IL16: variants seen among roughly 807,000 people sequenced by gnomAD.
IL16 encodes the protein interleukin 16, also known as pro-interleukin-16.
Under a neutral mutation model 110.1 loss-of-function variants are expected in IL16, and 67 were observed. The observed-to-expected ratio is 0.61, with a 90% CI of 0.50 to 0.75. The LOEUF (loss-of-function observed/expected upper bound fraction) is 0.75, where lower values mean the gene tolerates loss of function less well. IL16 is among the 30% of genes least tolerant of loss of function. The pLI, the probability that IL16 is intolerant of heterozygous loss-of-function variation, is 0.00. For missense variants in IL16, 1,545 were observed against 1,655.0 expected (o/e 0.93, Z 1.15); for synonymous variants, 689 against 662.9 (o/e 1.04, Z -0.61).
Position 81,197,062 on chromosome 15 carries a change from G to A in IL16, c.-192G>A. On this transcript the variant is annotated 5_prime_UTR_variant, in exon 1 of 19. Transcript: ENST00000683961. The stretch of plus-strand genomic sequence containing the variant: ...GGCCACAGGCTGTCCGGGAATAAGT[G>A]GTGCTGCAATCCCTGCTGGGCAGAT... The A allele has an allele frequency of 7.8e-7, 1 of 1,288,776 alleles. No individual in the cohort carries two copies. Among genetic ancestry groups the A allele is most frequent in the Non-Finnish European group, 1.0e-6 (1 of 988,516 alleles). The allele number at this position is 1,288,776 out of a possible 1,614,324, so 79.8% of individuals were successfully genotyped here. A position where few individuals can be genotyped will look rare whatever the true frequency, so the allele number is the denominator to read the frequency against.
intron 1 of IL16, among the ~76,000 whole-genome samples, chr15:81,183,654 C>A (rs1390889164): frequency 6.6e-6 from 1 of 152,208 alleles, no homozygotes; most frequent in East Asian, 1.9e-4. Flanking sequence ...ACTTTTCTAG[C>A]TACAGAAAGA....
At chr15:81,245,724 C>CTTTTTGTT (rs1897518326) in intron 2 of IL16, among the ~76,000 whole-genome samples, 1 of 61,282 alleles carries the variant, frequency 1.6e-5, no homozygotes, top group Non-Finnish European at 3.0e-5. Context: ...TTTGTTTTGG[C>CTTTTTGTT]TTTTTTTTTT....
chr15:81,190,208 T>C (rs1895478591), intron 1 of IL16, among the ~76,000 whole-genome samples: 1 of 152,164 alleles, frequency 6.6e-6, no homozygotes, highest in Non-Finnish European at 1.5e-5. Context: ...CTCCCCCGGG[T>C]GTGTCACTCA....
intron 1 of IL16, among the ~76,000 whole-genome samples, chr15:81,208,250 G>A (rs1595948166): frequency 6.6e-6 from 1 of 152,152 alleles, no homozygotes; most frequent in East Asian, 1.9e-4. Flanking sequence ...ATTTGTTTAA[G>A]TTCCTTATAG....
chr15:81,220,683 G>A (rs1199058651), intron 1 of IL16, among the ~76,000 whole-genome samples: 1 of 151,824 alleles, frequency 6.6e-6, no homozygotes, highest in East Asian at 1.9e-4. Context: ...GATCTCCAGT[G>A]AGTTAAATGT....
intron 2 of IL16, among the ~76,000 whole-genome samples, chr15:81,254,200 G>A (rs561772001): frequency 2.0e-5 from 3 of 152,348 alleles, no homozygotes; most frequent in Non-Finnish European, 4.4e-5. Flanking sequence ...AACTCCAGAA[G>A]CATCAGGCTT....
At chr15:81,233,991 G>GT (rs1401599738) in intron 2 of IL16, among the ~76,000 whole-genome samples, 1 of 151,862 alleles carries the variant, frequency 6.6e-6, no homozygotes, top group African/African-American at 2.4e-5. Context: ...AACTTTTTAT[G>GT]TTTTCTTGGT....
chr15:81,300,553 A>G, intron 14 of IL16, 78 bp downstream of exon 14: 1 of 888,456 alleles, frequency 1.1e-6, no homozygotes, highest in Non-Finnish European at 1.7e-6. Context: ...AAATAATCCT[A>G]TATATAATTT....
intron 1 of IL16, among the ~76,000 whole-genome samples, chr15:81,204,832 GA>G (rs1026357797): frequency 2.9e-4 from 44 of 152,186 alleles, no homozygotes; most frequent in African/African-American, 9.6e-4. Flanking sequence ...GAGCGCATGG[GA>G]CATTCAGGGG....
At chr15:81,207,246 C>CAAAAAA (rs60442931) in intron 1 of IL16, among the ~76,000 whole-genome samples, 1 of 102,760 alleles carries the variant, frequency 9.7e-6, no homozygotes, top group African/African-American at 2.9e-5. Context: ...TCAAAAAAAA[C>CAAAAAA]AAAAAAAAAA....
intron 2 of IL16, among the ~76,000 whole-genome samples, chr15:81,234,239 C>T (rs1897109659): frequency 1.3e-5 from 2 of 151,982 alleles, no homozygotes; most frequent in Admixed American, 6.6e-5. Context: ...TAGGTGTTTA[C>T]ACTATTTACA....
At position 81,296,938 on chromosome 15, in the gene IL16, AGCTGCTGCCACT is replaced by A. The variant is rs1900014791; in HGVS notation, c.1920_1931del (p.Leu642_Pro645del). 6.2e-7 allele frequency: 1 copy of A among 1,611,052 alleles called. No homozygotes were observed. Among genetic ancestry groups the A allele is most frequent in the African/African-American group, 1.3e-5 (1 of 74,838 alleles). On this transcript the variant is annotated inframe_deletion, in exon 13 of 19. Transcript: ENST00000683961. Reference sequence around the variant, plus strand: ...CTGTTTACACCACAGGAAGCGAGAGAGCTGCTGCCACTGCTGCTACCACAGGAAGACACAGCA... The same window carrying A: ...CTGTTTACACCACAGGAAGCGAGAGAGCTGCTACCACAGGAAGACACAGCA...
chr15:81,295,267 C>A, intron 12 of IL16: 1 of 592,854 alleles, frequency 1.7e-6, no homozygotes. Context: ...CTCCCTCATC[C>A]ACCAAGCATG....
rs371321654 is a variant in IL16 at position 81,299,371 on chromosome 15, G to C, written c.2054-9G>C. 70 of 1,610,632 alleles carry C rather than the reference G, an allele frequency of 4.3e-5. No individual in the cohort carries two copies. In the African/African-American group the frequency reaches 8.0e-4, roughly 18 times the overall value. On this transcript the variant is annotated splice_polypyrimidine_tract_variant and intron_variant, in intron 13 of 18. Transcript: ENST00000683961. ...AATGCACAGCTTTGGCCTTGTTTCT[G>C]CACTGTAGTGACCCAAACATCCCCG...
intron 1 of IL16, among the ~76,000 whole-genome samples, chr15:81,207,246 CAAAA>C (rs60442931): frequency 3.0e-4 from 31 of 102,788 alleles, no homozygotes; most frequent in African/African-American, 7.3e-4. Flanking sequence ...TCAAAAAAAA[CAAAA>C]AAAAAAAAAA....
chr15:81,204,478 T>G (rs1465740729), intron 1 of IL16, among the ~76,000 whole-genome samples: 4 of 152,114 alleles, frequency 2.6e-5, no homozygotes, highest in Non-Finnish European at 5.9e-5. Flanking sequence ...ATAGCTCTTA[T>G]TATTTTGAAA....
At position 81,304,311 on chromosome 15, in the gene IL16, A is replaced by C. The variant is rs145514320; in HGVS notation, c.3420+661A>C. Reference sequence around the variant, plus strand: ...ATTACAAAAAGATTCCTGACCGTGTAGTTTACTTTCTACTTGAAGAGGAGG... The same window carrying C: ...ATTACAAAAAGATTCCTGACCGTGTCGTTTACTTTCTACTTGAAGAGGAGG... On this transcript the variant is annotated intron_variant, in intron 16 of 18. Coordinates refer to ENST00000683961, the MANE Select transcript of IL16 (RefSeq NM_172217.5). Among the ~76,000 whole-genome samples the C allele has an allele frequency of 3.5e-3, 538 of 152,290 alleles. 1 individual carries two copies. Among genetic ancestry groups the C allele is most frequent in the Non-Finnish European group, 5.1e-3 (345 of 68,030 alleles).
chr15:81,296,954 G>A lies in IL16; in HGVS notation c.1929G>A (p.Leu643=), dbSNP rs1170888164. 2 of 1,612,716 alleles carry A rather than the reference G, an allele frequency of 1.2e-6. No individual in the cohort carries two copies. The highest frequency in any genetic ancestry group is 1.7e-6 in the Non-Finnish European group (2 of 1,179,382). ...GQEARELLPL[L]LPQEDTAGRS... ...AAGCGAGAGAGCTGCTGCCACTGCT[G>A]CTACCACAGGAAGACACAGCAGGGA... Residue 643 remains leucine (L), a synonymous_variant, in exon 13 of 19, where the codon CTG becomes CTA. Transcript: ENST00000683961.
chr15:81,229,875 C>CAACA lies in IL16; in HGVS notation c.312+4165_312+4168dup, dbSNP rs1595971315. 2.0e-5 allele frequency among the ~76,000 whole-genome samples: 3 copies of CAACA among 152,166 alleles called. No homozygotes were observed. The East Asian group carries it at 5.8e-4, about 29-fold the overall frequency. On this transcript the variant is annotated intron_variant, in intron 2 of 18. Transcript: ENST00000683961. ...TGCCATGGTTACACTGATTTCAAAA[C>CAACA]AACATCTGGAATGAGGCCCTGTGAT... is the stretch of plus-strand genomic sequence containing the variant.
Sources: gnomAD v4.1 joint callset for allele counts (sites outside exome capture counted in the v4.1 genomes callset) on GRCh38, gnomAD v4.1.1 for gene constraint, MANE v1.5 for transcripts, NCBI Gene and HGNC (gene_info 2026-07-23, HGNC 2026-07-21) for gene names.